ARHGAP35: variants seen among roughly 807,000 people sequenced by gnomAD.
The protein encoded by ARHGAP35 is Rho GTPase activating protein 35.
Under a neutral mutation model 111.1 loss-of-function variants are expected in ARHGAP35, and 15 were observed. That is an observed-to-expected ratio of 0.13 (90% CI 0.09 to 0.21). The LOEUF (loss-of-function observed/expected upper bound fraction) is 0.21. ARHGAP35 is among the 10% of genes least tolerant of loss of function. ARHGAP35 has a pLI of 1.00. For synonymous variants in ARHGAP35, 643 were observed against 710.3 expected (o/e 0.91, Z 1.51); for missense variants, 1,262 against 1,873.0 (o/e 0.67, Z 6.02).
At position 46,920,330 on chromosome 19, in the gene ARHGAP35, A is replaced by C; in HGVS notation, c.1655A>C (p.Tyr552Ser). Residue 552 changes from tyrosine (Y) to serine (S), a missense_variant, in exon 2 of 7, where the codon TAC (tyrosine) becomes TCC (serine). This residue lies in a region of ARHGAP35 where 328 missense variants were observed against 440.8 expected (regional missense o/e 0.74). Coordinates refer to ENST00000672722, the MANE Select transcript of ARHGAP35 (RefSeq NM_004491.5). The surrounding 1 kb of genome is among the most constrained non-coding windows in gnomAD (Gnocchi z 7.0). ...ALILKHIHFVYHPTKETCPSC... is the reference protein window; with the variant it reads ...ALILKHIHFVSHPTKETCPSC... ...ATTCTGAAACACATTCATTTTGTGT[A>C]CCACCCAACAAAGGAGACATGCCCC... 1 of 1,613,990 alleles carries C rather than the reference A, an allele frequency of 6.2e-7. No individual in the cohort carries two copies. Among genetic ancestry groups the C allele is most frequent in the Non-Finnish European group, 8.5e-7 (1 of 1,179,890 alleles).
At chr19:46,976,751 T>C (rs915523312) in intron 3 of ARHGAP35, among the ~76,000 whole-genome samples, 1 of 152,182 alleles carries the variant, frequency 6.6e-6, no homozygotes, top group African/African-American at 2.4e-5. Flanking sequence ...CAAGGAGCAG[T>C]ACCCACTCTC....
intron 3 of ARHGAP35, among the ~76,000 whole-genome samples, chr19:46,959,926 T>C (rs552289345): frequency 6.6e-6 from 1 of 150,830 alleles, no homozygotes; most frequent in African/African-American, 2.4e-5. Context: ...AGCAAGACCT[T>C]GCCTCTACAA....
Position 46,993,514 on chromosome 19 carries a change from T to C in ARHGAP35, c.4036+3839T>C, listed in dbSNP as rs895771141. 2.6e-5 allele frequency among the ~76,000 whole-genome samples: 4 copies of C among 152,188 alleles called. No homozygotes were observed. The highest frequency in any genetic ancestry group is 9.7e-5 in the African/African-American group (4 of 41,434). On this transcript the variant is annotated intron_variant, in intron 5 of 6. Transcript: ENST00000672722. This position sits in a 1 kb window ranked among gnomAD's most constrained non-coding sequence, Gnocchi z 4.6. ...ACCTTGGACCGGTATTCTGGCTTTG[T>C]GAGGCCTGGTGTGTCTGTTTTGTAA...
rs780120522 is a variant in ARHGAP35, at chr19:46,921,286, C to T, written c.2611C>T (p.Arg871Cys). ...AKRKASLAML[R>C]AFLCEVQDII... ...ACGTAAGGCCTCTTTGGCTATGTTA[C>T]GTGCCTTTCTTTGTGAAGTGCAGGA... Residue 871 changes from arginine to cysteine, a missense_variant, in exon 2 of 7, where the codon CGT becomes TGT. Arg to Cys is a radical substitution (Grantham distance 180, BLOSUM62 -3). Around this residue, in one of 8 missense-constraint regions of ARHGAP35, gnomAD observed 579 missense variants for 716.9 expected, o/e 0.81. Coordinates refer to ENST00000672722, the MANE Select transcript of ARHGAP35 (RefSeq NM_004491.5). This position sits in a 1 kb window ranked among gnomAD's most constrained non-coding sequence, Gnocchi z 4.3. 6 of 1,613,858 alleles carry T rather than the reference C, an allele frequency of 3.7e-6. No homozygotes were observed. The highest frequency in any genetic ancestry group is 1.3e-5 in the African/African-American group (1 of 74,908).
chr19:46,867,760 TG>T (rs2055866382), intron 1 of ARHGAP35, among the ~76,000 whole-genome samples: 1 of 149,502 alleles, frequency 6.7e-6, no homozygotes, highest in African/African-American at 2.5e-5. Flanking sequence ...TAAAGTTTTT[TG>T]TTGTTGTTGT....
At chr19:46,953,791 G>A (rs2056424840) in intron 3 of ARHGAP35, among the ~76,000 whole-genome samples, 1 of 152,154 alleles carries the variant, frequency 6.6e-6, no homozygotes, top group African/African-American at 2.4e-5. Context: ...GTAAGCAGAC[G>A]GGTCACTTCC....
At chr19:46,891,519 C>T (rs974348467) in intron 1 of ARHGAP35, among the ~76,000 whole-genome samples, 2 of 151,742 alleles carry the variant, frequency 1.3e-5, no homozygotes, top group African/African-American at 2.4e-5. Flanking sequence ...CTCCGCCTCC[C>T]GGGTTCAAGC....
chr19:46,916,255 T>G (rs925222858), intron 1 of ARHGAP35, among the ~76,000 whole-genome samples: 7 of 152,054 alleles, frequency 4.6e-5, no homozygotes, highest in Non-Finnish European at 1.0e-4. Flanking sequence ...ACTCTTAAAG[T>G]GGTTTGATCC....
At chr19:46,952,677 T>C (rs1204756587) in intron 3 of ARHGAP35, among the ~76,000 whole-genome samples, 3 of 152,160 alleles carry the variant, frequency 2.0e-5, no homozygotes, top group Admixed American at 1.3e-4. Flanking sequence ...TGTTGTGTTG[T>C]GTTTTGTTTT....
intron 3 of ARHGAP35, chr19:46,949,132 G>C (rs1299712390): frequency 6.6e-6 from 1 of 151,600 alleles, no homozygotes; most frequent in African/African-American, 2.4e-5. Flanking sequence ...ACTCCAGCCT[G>C]GGCAACAGAG....
chr19:46,918,651 C>T lies in ARHGAP35; in HGVS notation c.-25C>T. On this transcript the variant is annotated 5_prime_UTR_variant, in exon 2 of 7. Coordinates refer to ENST00000672722, the MANE Select transcript of ARHGAP35 (RefSeq NM_004491.5). This position sits in a 1 kb window ranked among gnomAD's most constrained non-coding sequence, Gnocchi z 5.4. ...AACACTAATCTGATCTCAGAAGTGG[C>T]TGATCGTGGCAGGATGTGTCGACGA... 1 of 1,596,580 alleles carries T rather than the reference C, an allele frequency of 6.3e-7. No individual in the cohort carries two copies. The highest frequency in any genetic ancestry group is 8.6e-7 in the Non-Finnish European group (1 of 1,169,438).
intron 2 of ARHGAP35, among the ~76,000 whole-genome samples, chr19:46,933,010 TAGCTATCAGAGTGCCCC>T (rs974540438): frequency 3.3e-5 from 5 of 152,120 alleles, no homozygotes; most frequent in African/African-American, 4.8e-5. Flanking sequence ...TATTTGAAAA[TAGCTATCAGAGTGCCCC>T]ATTATTCTCT....
chr19:46,922,390 T>C lies in ARHGAP35; in HGVS notation c.3681+34T>C. On this transcript the variant is annotated intron_variant, in intron 2 of 6. Transcript: ENST00000672722. The surrounding 1 kb of genome is among the most constrained non-coding windows in gnomAD (Gnocchi z 4.0). Reference sequence around the variant, plus strand: ...CCAGTCTAGGATTAGTCATAGTGTTTTGTACAGCGTCTCGGTGAGGGTTGA... The same window carrying C: ...CCAGTCTAGGATTAGTCATAGTGTTCTGTACAGCGTCTCGGTGAGGGTTGA... 1 of 1,498,194 alleles carries C rather than the reference T, an allele frequency of 6.7e-7. No individual in the cohort carries two copies. Among genetic ancestry groups the C allele is most frequent in the Non-Finnish European group, 8.9e-7 (1 of 1,123,778 alleles). The allele number at this position is 1,498,194 out of a possible 1,614,324, so 92.8% of individuals were successfully genotyped here.
rs141772305 is a variant in ARHGAP35 at position 46,921,733 on chromosome 19, G to C, written c.3058G>C (p.Asp1020His). 2 of 1,614,026 alleles carry C rather than the reference G, an allele frequency of 1.2e-6. No homozygotes were observed. Among genetic ancestry groups the C allele is most frequent in the East Asian group, 4.5e-5 (2 of 44,890 alleles). ...GCTCTCTATGGAACTGGAGGGAAAT[G>C]ATGGGCTGTCTTTCATTATGAGCAA... ...SKLSMELEGN[D>H]GLSFIMSNFE... Residue 1020 changes from aspartate (D) to histidine (H), a missense_variant, in exon 2 of 7, where the codon GAT becomes CAT. By Grantham distance (81) the Asp-to-His change is moderately conservative. Around this residue, in one of 8 missense-constraint regions of ARHGAP35, gnomAD observed 579 missense variants for 716.9 expected, o/e 0.81. Transcript: ENST00000672722. The surrounding 1 kb of genome is among the most constrained non-coding windows in gnomAD (Gnocchi z 4.3).
intron 5 of ARHGAP35, among the ~76,000 whole-genome samples, chr19:46,997,086 G>C (rs902556929): frequency 5.3e-5 from 8 of 152,190 alleles, no homozygotes; most frequent in Admixed American, 3.3e-4. Context: ...AAACCTGGGA[G>C]GCAGAGGTTG....
intron 3 of ARHGAP35, among the ~76,000 whole-genome samples, chr19:46,959,573 T>G (rs991726547): frequency 6.6e-6 from 1 of 151,482 alleles, no homozygotes; most frequent in Non-Finnish European, 1.5e-5. Context: ...CTGATTTTTG[T>G]ATTTTTAGTA....
At chr19:46,917,765 G>A (rs2056172587) in intron 1 of ARHGAP35, among the ~76,000 whole-genome samples, 1 of 152,088 alleles carries the variant, frequency 6.6e-6, no homozygotes, top group African/African-American at 2.4e-5. Context: ...CCAGGCTGGA[G>A]TGCAGTGATG....
At chr19:46,875,564 C>T (rs189760881) in intron 1 of ARHGAP35, among the ~76,000 whole-genome samples, 8 of 152,254 alleles carry the variant, frequency 5.3e-5, no homozygotes, top group African/African-American at 1.7e-4. Context: ...AACTTTGTGA[C>T]TTAGGACAAG....
intron 1 of ARHGAP35, among the ~76,000 whole-genome samples, chr19:46,915,586 T>C (rs933681240): frequency 2.0e-5 from 3 of 152,192 alleles, no homozygotes; most frequent in Non-Finnish European, 4.4e-5. Flanking sequence ...GCATTTCTTA[T>C]GCAATAGGCT....
Sources: gnomAD v4.1 joint callset for allele counts (sites outside exome capture counted in the v4.1 genomes callset) on GRCh38, gnomAD v4.1.1 for gene constraint, gnomAD v4.1.1 regional missense constraint, Gnocchi (gnomAD v3.1) non-coding constraint, MANE v1.5 for transcripts, NCBI Gene and HGNC (gene_info 2026-07-23, HGNC 2026-07-21) for gene names.